The following ASB2 variants were observed in gnomAD, a reference collection of about 807,000 sequenced individuals.
The protein encoded by ASB2 is ankyrin repeat and SOCS box containing 2.
A neutral mutation model predicts 62.4 loss-of-function variants in ASB2; 58 were observed. The observed-to-expected ratio is 0.93, with a 90% CI of 0.75 to 1.16. The LOEUF (loss-of-function observed/expected upper bound fraction) is 1.16. Among genes scored for constraint, ASB2 ranks in the 50% most tolerant of loss-of-function variants. The pLI is 0.00. For missense variants in ASB2, 928 were observed against 887.9 expected (o/e 1.05, Z -0.57); for synonymous variants, 386 against 385.3 (o/e 1.00, Z -0.02).
At chr14:93,939,760 C>A in intron 7 of ASB2, 88 bp from the exon 8 acceptor site, 1 of 1,093,330 alleles carries the variant, frequency 9.1e-7, no homozygotes, top group South Asian at 2.1e-5. Context: ...AGCTCGGGCG[C>A]CAGGCTCGGC....
chr14:93,950,656 T>C lies in ASB2; in HGVS notation c.880+343A>G, dbSNP rs569118679. Among the ~76,000 whole-genome samples, 5 of 152,330 alleles carry C rather than the reference T, an allele frequency of 3.3e-5. No individual in the cohort carries two copies. The East Asian group carries it at 7.7e-4, about 23-fold the overall frequency. ...AGCTAGTTCTACAATTAATTTGCTATAGGACTATAGATAAGTCACTTCCTC... is the reference window on the plus strand; with the variant it reads ...AGCTAGTTCTACAATTAATTTGCTACAGGACTATAGATAAGTCACTTCCTC... On this transcript the variant is annotated intron_variant, in intron 6 of 9. Transcript: ENST00000555019.
At chr14:93,974,903 T>TG (rs1889867819) in intron 1 of ASB2, among the ~76,000 whole-genome samples, 1 of 152,232 alleles carries the variant, frequency 6.6e-6, no homozygotes, top group Non-Finnish European at 1.5e-5. Context: ...GGTTAGACAG[T>TG]GTCCCCCACC....
Position 93,954,468 on chromosome 14 carries a change from C to G in ASB2, c.327G>C (p.Leu109Phe). 2 of 1,614,188 alleles carry G rather than the reference C, an allele frequency of 1.2e-6. No homozygotes were observed. Among genetic ancestry groups the G allele is most frequent in the Non-Finnish European group, 1.7e-6 (2 of 1,180,028 alleles). ...KTSQLAPADP[L>F]IKAIKDGDEE... Reference sequence around the variant, plus strand: ...CATCGCCATCCTTGATGGCCTTTATCAAGGGGTCCGCAGGCCTGTGAGAGG... The same window carrying G: ...CATCGCCATCCTTGATGGCCTTTATGAAGGGGTCCGCAGGCCTGTGAGAGG... Residue 109 changes from leucine (L) to phenylalanine (F), a missense_variant, in exon 4 of 10, where the codon TTG (leucine) becomes TTC (phenylalanine). Physicochemically the swap from Leu to Phe is conservative, Grantham distance 22. Coordinates refer to ENST00000555019, the MANE Select transcript of ASB2 (RefSeq NM_001202429.2).
At chr14:93,935,421 A>G (rs1384335294) in intron 9 of ASB2, among the ~76,000 whole-genome samples, 1 of 97,296 alleles carries the variant, frequency 1.0e-5, no homozygotes, top group Non-Finnish European at 2.3e-5. Flanking sequence ...GAATCACAGA[A>G]TGTCATTCAT....
chr14:93,954,522 C>T, intron 3 of ASB2, 39 bp from the exon 4 acceptor site: 1 of 1,604,794 alleles, frequency 6.2e-7, no homozygotes. Flanking sequence ...CAAGGTCAGG[C>T]CAAGGCCAGG....
At chr14:93,945,784 C>T (rs574317172) in intron 7 of ASB2, among the ~76,000 whole-genome samples, 89 of 152,258 alleles carry the variant, frequency 5.8e-4, no homozygotes, top group Non-Finnish European at 1.0e-3. Flanking sequence ...GGCTCTGAAG[C>T]CTTGAGTCTT....
Position 93,939,412 on chromosome 14 carries a change from T to C in ASB2, c.1313A>G (p.Asn438Ser), listed in dbSNP as rs1265453104. ...ELLLQHGADP[N>S]RDVISPLLVA... ...GAGCAAGGGGCTGATGACGTCGCGG[T>C]TGGGGTCGGCGCCGTGTTGCAGCAG... The change falls in exon 8 of 10, where the codon AAC (asparagine) becomes AGC (serine). Residue 438 changes from asparagine (N) to serine (S), a missense_variant. Transcript: ENST00000555019. 1.2e-6 allele frequency: 2 copies of C among 1,612,476 alleles called. No homozygotes were observed. The highest frequency in any genetic ancestry group is 1.7e-6 in the Non-Finnish European group (2 of 1,179,788).
chr14:93,942,241 C>T (rs1567020824), intron 7 of ASB2: 2 of 456,092 alleles, frequency 4.4e-6, no homozygotes. Flanking sequence ...CAAGCGGCAC[C>T]TCATGAAGAG....
intron 7 of ASB2, chr14:93,941,281 C>A: frequency 4.0e-6 from 1 of 249,796 alleles, no homozygotes. Flanking sequence ...GACAGGTGAC[C>A]TCACAGCCTC....
chr14:93,943,745 C>G (rs1329872757), intron 7 of ASB2: 1 of 334,292 alleles, frequency 3.0e-6, no homozygotes, highest in Non-Finnish European at 5.8e-6. Flanking sequence ...ACTGTGCCAC[C>G]CTGACTTGTT....
intron 4 of ASB2, 41 bp downstream of exon 4, chr14:93,954,276 C>T (rs1451616124): frequency 1.9e-6 from 3 of 1,564,740 alleles, no homozygotes; most frequent in Non-Finnish European, 2.6e-6. Context: ...TTCCCCTAGT[C>T]CCTTTCCCAC....
chr14:93,959,360 G>T (rs1889331148), intron 2 of ASB2, among the ~76,000 whole-genome samples: 1 of 152,220 alleles, frequency 6.6e-6, no homozygotes, highest in Non-Finnish European at 1.5e-5. Context: ...AGATCCGAGT[G>T]CATCCACTGG....
intron 1 of ASB2, among the ~76,000 whole-genome samples, chr14:93,970,521 C>G (rs1171798948): frequency 6.6e-6 from 1 of 152,118 alleles, no homozygotes; most frequent in African/African-American, 2.4e-5. Flanking sequence ...GGTCCTGTCT[C>G]TCTAGAAAGT....
chr14:93,939,706 A>C, intron 7 of ASB2, 34 bp from the exon 8 acceptor site: 2 of 1,139,164 alleles, frequency 1.8e-6, no homozygotes, highest in Non-Finnish European at 2.3e-6. Context: ...GGGTGAGGGG[A>C]GGGTCGGGGT....
chr14:93,944,035 G>A (rs1455116822), intron 7 of ASB2: 1 of 455,866 alleles, frequency 2.2e-6, no homozygotes, highest in African/African-American at 2.0e-5. Context: ...CCACAGAAGA[G>A]GCTCTAAGAT....
intron 6 of ASB2, among the ~76,000 whole-genome samples, chr14:93,949,245 A>T (rs1345729813): frequency 6.6e-6 from 1 of 152,138 alleles, no homozygotes; most frequent in Non-Finnish European, 1.5e-5. Flanking sequence ...GCTTTCTGGT[A>T]ATTTATTATT....
At chr14:93,947,326 G>A in intron 7 of ASB2, 23 bp downstream of exon 7, 1 of 1,612,568 alleles carries the variant, frequency 6.2e-7, no homozygotes, top group Non-Finnish European at 8.5e-7. Context: ...AGCTGCCTGG[G>A]TGCTGGCGGA....
chr14:93,945,684 T>G (rs1278789247), intron 7 of ASB2, among the ~76,000 whole-genome samples: 1 of 152,118 alleles, frequency 6.6e-6, no homozygotes, highest in Non-Finnish European at 1.5e-5. Flanking sequence ...CCTCTGTGTA[T>G]GTACTGGGGG....
intron 7 of ASB2, among the ~76,000 whole-genome samples, chr14:93,943,678 A>T (rs1434672409): frequency 1.3e-5 from 2 of 152,142 alleles, no homozygotes; most frequent in Non-Finnish European, 2.9e-5. Flanking sequence ...TGGCTGGAGG[A>T]TTGACATGGG....
Sources: allele counts gnomAD v4.1 joint callset (sites outside exome capture counted in the v4.1 genomes callset), GRCh38; gene constraint gnomAD v4.1.1; transcripts MANE v1.5; gene names NCBI Gene and HGNC (gene_info 2026-07-23, HGNC 2026-07-21).